The following PIGX variants were observed in gnomAD, a reference collection of about 807,000 sequenced individuals.
PIGX encodes the protein phosphatidylinositol glycan anchor biosynthesis class X.
A neutral mutation model predicts 28.7 loss-of-function variants in PIGX; 24 were observed. The ratio of observed to expected loss-of-function variants is 0.84; its 90% CI spans 0.60 to 1.17. PIGX has a LOEUF of 1.17. Ranked by LOEUF, PIGX falls within the 50% of genes most tolerant of loss-of-function variation. The pLI is 0.00. For missense variants in PIGX, 305 were observed against 317.8 expected, an observed-to-expected ratio of 0.96 and a Z score of 0.31; for synonymous variants, 127 against 121.0, an observed-to-expected ratio of 1.05 and a Z score of -0.33.
chr3:196,721,218 A>G (rs764245546), intron 2 of PIGX: 16 of 374,036 alleles, frequency 4.3e-5, no homozygotes, highest in African/African-American at 3.5e-4. Context: ...GATATTGTTT[A>G]AAGGCCATGG....
chr3:196,727,889 C>G (rs1232514785), intron 3 of PIGX, 34 bp from the exon 4 acceptor site: 1 of 1,401,032 alleles, frequency 7.1e-7, no homozygotes, highest in African/African-American at 1.4e-5. Flanking sequence ...TCATTCATTT[C>G]TTCTTGATTA....
At chr3:196,718,732 T>C (rs901771720) in intron 2 of PIGX, among the ~76,000 whole-genome samples, 19 of 152,188 alleles carry the variant, frequency 1.2e-4, no homozygotes, top group Admixed American at 3.3e-4. Context: ...CCTTATAAAA[T>C]AGTTTGGGAA....
At chr3:196,732,252 A>ATTTT (rs1373119016) in intron 5 of PIGX, among the ~76,000 whole-genome samples, 3 of 22,290 alleles carry the variant, frequency 1.3e-4, no homozygotes, top group African/African-American at 6.8e-4. Context: ...ATATATATAT[A>ATTTT]TATATTTTAT....
chr3:196,728,724 A>G (rs1712623807), intron 4 of PIGX: 2 of 766,270 alleles, frequency 2.6e-6, no homozygotes, highest in African/African-American at 3.4e-5. Flanking sequence ...GAATGATCAG[A>G]TTCCGGTTTG....
intron 5 of PIGX, among the ~76,000 whole-genome samples, chr3:196,731,653 T>G (rs1308714175): frequency 6.6e-6 from 1 of 152,198 alleles, no homozygotes; most frequent in Non-Finnish European, 1.5e-5. Context: ...TGCCATATGG[T>G]ACCTGAAAAT....
At chr3:196,728,673 A>G (rs753912685) in intron 4 of PIGX, 1 of 766,406 alleles carries the variant, frequency 1.3e-6, no homozygotes, top group South Asian at 1.3e-5. Flanking sequence ...CATGTTCCTC[A>G]TACTTCTTTA....
At chr3:196,715,058 G>C (rs1712038846) in intron 1 of PIGX, among the ~76,000 whole-genome samples, 2 of 152,102 alleles carry the variant, frequency 1.3e-5, no homozygotes, top group Non-Finnish European at 2.9e-5. Flanking sequence ...CCTGGCAACA[G>C]AGTGAGACTC....
intron 2 of PIGX, among the ~76,000 whole-genome samples, chr3:196,720,019 C>T (rs1331389999): frequency 1.3e-5 from 2 of 152,244 alleles, no homozygotes; most frequent in Non-Finnish European, 2.9e-5. Context: ...ACCTCGTGAT[C>T]CGCCTGCTTC....
chr3:196,728,056 G>A lies in PIGX; in HGVS notation c.452G>A (p.Arg151His), dbSNP rs946072125. The A allele has an allele frequency of 4.3e-6, 7 of 1,613,948 alleles. No homozygotes were observed. The highest frequency in any genetic ancestry group is 2.7e-5 in the African/African-American group (2 of 74,880). ...CAAGCCTTTTTGCCTGTGCACTGCC[G>A]CTATCATCGGCCGCACAGTGAAGAT... The change falls in exon 4 of 6, where the codon CGC (arginine) becomes CAC (histidine). Residue 151 changes from arginine to histidine, a missense_variant. Coordinates refer to ENST00000392391, the MANE Select transcript of PIGX (RefSeq NM_017861.4).
chr3:196,729,484 G>T (rs114852860), intron 4 of PIGX, among the ~76,000 whole-genome samples: 4 of 149,962 alleles, frequency 2.7e-5, no homozygotes. Flanking sequence ...TCGGCTTACC[G>T]CAATCTCCGC....
rs575973261 is a variant in PIGX at position 196,732,795 on chromosome 3, A to G, written c.634-964A>G. On this transcript the variant is annotated intron_variant, in intron 5 of 5. Transcript: ENST00000392391. ...AAGAAAAAGTATTCCCAAGTTACGT[A>G]CATTTTAATGTTTTTTAAAACTTAT... Among the ~76,000 whole-genome samples the G allele has an allele frequency of 4.6e-5, 7 of 152,338 alleles. No homozygotes were observed. In the East Asian group the frequency reaches 1.3e-3, roughly 29 times the overall value.
chr3:196,733,880 A>G lies in PIGX; in HGVS notation c.755A>G (p.Lys252Arg), dbSNP rs759625770. 1.9e-6 allele frequency: 3 copies of G among 1,604,564 alleles called. No homozygotes were observed. The highest frequency in any genetic ancestry group is 1.7e-4 in the Middle Eastern group (1 of 6,038). ...ACATTGATCCTTGTAGCAGTTTTCA[A>G]ATATGGCCATTTTTCCCTATAAGTT... The change falls in exon 6 of 6, where the codon AAA becomes AGA. Residue 252 changes from lysine to arginine, a missense_variant. Transcript: ENST00000392391. The surrounding 1 kb of genome is among the most constrained non-coding windows in gnomAD (Gnocchi z 4.3).
In PIGX at chr3:196,733,473, C is replaced by T. The variant is rs1475250742; in HGVS notation, c.634-286C>T. 1.3e-5 allele frequency among the ~76,000 whole-genome samples: 2 copies of T among 152,130 alleles called. No homozygotes were observed. Among genetic ancestry groups the T allele is most frequent in the Non-Finnish European group, 1.5e-5 (1 of 68,008 alleles). On this transcript the variant is annotated intron_variant, in intron 5 of 5. Coordinates refer to ENST00000392391, the MANE Select transcript of PIGX (RefSeq NM_017861.4). This position sits in a 1 kb window ranked among gnomAD's most constrained non-coding sequence, Gnocchi z 4.3. ...TCTCCCAGGCTGGAGTACAGTGGCACGATCTCAGCTCACTGCAAACCTCCG... is the reference window on the plus strand; with the variant it reads ...TCTCCCAGGCTGGAGTACAGTGGCATGATCTCAGCTCACTGCAAACCTCCG...
chr3:196,725,121 T>G (rs1712470700), intron 3 of PIGX, among the ~76,000 whole-genome samples: 1 of 152,206 alleles, frequency 6.6e-6, no homozygotes, highest in African/African-American at 2.4e-5. Context: ...ACATATTTTT[T>G]CATCAGAAGT....
At chr3:196,724,029 T>G (rs1333516210) in intron 3 of PIGX, among the ~76,000 whole-genome samples, 1 of 150,602 alleles carries the variant, frequency 6.6e-6, no homozygotes, top group Non-Finnish European at 1.5e-5. Flanking sequence ...AATGTTTTTT[T>G]TTTTTTTTTT....
Position 196,712,458 on chromosome 3 carries a change from T to C in PIGX, c.-75T>C. The C allele has an allele frequency of 3.1e-6, 2 of 648,944 alleles. No homozygotes were observed. Among genetic ancestry groups the C allele is most frequent in the South Asian group, 1.5e-4 (2 of 13,446 alleles). 40.2% of individuals were successfully genotyped at this position (648,944 alleles called of 1,614,324 possible). A position where few individuals can be genotyped will look rare whatever the true frequency, so the allele number is the denominator to read the frequency against. On this transcript the variant is annotated 5_prime_UTR_variant, in exon 1 of 6. Coordinates refer to ENST00000392391, the MANE Select transcript of PIGX (RefSeq NM_017861.4). ...ATCTGGGGCAGCGCGCGGTAGGAGC[T>C]GCGGGCGGCCAGGCCCCTTCCTGCG...
chr3:196,718,249 G>T (rs1318717041), intron 2 of PIGX, among the ~76,000 whole-genome samples: 1 of 152,066 alleles, frequency 6.6e-6, no homozygotes, highest in Admixed American at 6.6e-5. Context: ...GGCAGAGGTT[G>T]CAGTGAGCCG....
chr3:196,731,082 A>T lies in PIGX; in HGVS notation c.623A>T (p.Lys208Met), dbSNP rs777189423. Residue 208 changes from lysine (K) to methionine (M), a missense_variant, in exon 5 of 6, where the codon AAG becomes ATG. Lys to Met is a moderately conservative substitution (Grantham distance 95, BLOSUM62 -1). Transcript: ENST00000392391. ...GATATCTGCCAATGGAACAAGATGA[A>T]GTATAAATCAGTAAGCTAATGTTTT... 3.2e-6 allele frequency: 5 copies of T among 1,549,468 alleles called. No individual in the cohort carries two copies. The highest frequency in any genetic ancestry group is 4.5e-6 in the Non-Finnish European group (5 of 1,121,720).
chr3:196,728,979 T>C (rs1032433755), intron 4 of PIGX, among the ~76,000 whole-genome samples: 1 of 151,982 alleles, frequency 6.6e-6, no homozygotes, highest in Non-Finnish European at 1.5e-5. Flanking sequence ...TGTCTGTGAG[T>C]TTTTAATTTT....
Sources: allele counts gnomAD v4.1 joint callset (sites outside exome capture counted in the v4.1 genomes callset), GRCh38; gene constraint gnomAD v4.1.1; non-coding constraint Gnocchi (gnomAD v3.1); transcripts MANE v1.5; gene names NCBI Gene and HGNC (gene_info 2026-07-23, HGNC 2026-07-21).